The following OTOGL variants were observed in gnomAD, a reference collection of about 807,000 sequenced individuals.
OTOGL encodes the protein otogelin like.
OTOGL carries 285 observed loss-of-function variants against 318.5 expected under a neutral mutation model. The observed-to-expected ratio is 0.89, with a 90% confidence interval of 0.81 to 0.99. The LOEUF is 0.99. OTOGL is among the 50% of genes least tolerant of loss of function. OTOGL has a pLI of 0.00. For missense variants in OTOGL, 2,899 were observed against 2,845.6 expected (o/e 1.02, Z -0.43); for synonymous variants, 987 against 936.5 (o/e 1.05, Z -0.99).
intron 20 of OTOGL, chr12:80,265,498 G>T (rs751734864): frequency 2.5e-6 from 1 of 402,242 alleles, no homozygotes. Context: ...AATTCTTATC[G>T]TGGAAATATC....
intron 11 of OTOGL, among the ~76,000 whole-genome samples, chr12:80,241,207 A>G (rs926989530): frequency 2.0e-5 from 3 of 152,058 alleles, no homozygotes; most frequent in African/African-American, 7.2e-5. Flanking sequence ...CAAAAATAAC[A>G]AATGTAATAT....
rs1283640048 is a variant in OTOGL, at chr12:80,339,054, G to T, written c.4861-21G>T. 2.0e-6 allele frequency: 3 copies of T among 1,537,288 alleles called. No individual in the cohort carries two copies. In the African/African-American group the frequency reaches 4.1e-5, roughly 21 times the overall value. ...ATATTTAAGTAAATATTTCTTAACA[G>T]GTGTATTTATGTTATTCTAGGTAGA... On this transcript the variant is annotated intron_variant, in intron 42 of 58. Coordinates refer to ENST00000547103, the MANE Select transcript of OTOGL (RefSeq NM_001378609.3).
chr12:80,324,127 A>G (rs146609335), intron 35 of OTOGL, among the ~76,000 whole-genome samples: 45 of 152,358 alleles, frequency 3.0e-4, no homozygotes, highest in African/African-American at 1.1e-3. Flanking sequence ...ACAAAAATGT[A>G]AATATATAAT....
intron 1 of OTOGL, among the ~76,000 whole-genome samples, chr12:80,177,908 C>T (rs1026409213): frequency 6.6e-6 from 1 of 152,032 alleles, no homozygotes; most frequent in Non-Finnish European, 1.5e-5. Flanking sequence ...CTGAATATTC[C>T]AGCTGATGCC....
chr12:80,317,473 GA>G lies in OTOGL; in HGVS notation c.3635-1072del, dbSNP rs747715775. Among the ~76,000 whole-genome samples the G allele has an allele frequency of 5.2e-4, 79 of 152,090 alleles. 1 individual carries two copies. The highest frequency in any genetic ancestry group is 5.9e-4 in the Admixed American group (9 of 15,270). ...TAAGGGGTGTGTGCAGCAGGGGAGA[GA>G]TTTTGTTTCTCTGTCTCCTTTCTCA... On this transcript the variant is annotated intron_variant, in intron 32 of 58. Transcript: ENST00000547103.
At chr12:80,215,542 C>A (rs770753964) in intron 4 of OTOGL, among the ~76,000 whole-genome samples, 1 of 152,078 alleles carries the variant, frequency 6.6e-6, no homozygotes, top group Non-Finnish European at 1.5e-5. Context: ...TGAATCCTCA[C>A]GATTCTGTGA....
intron 4 of OTOGL, among the ~76,000 whole-genome samples, chr12:80,216,168 A>G (rs1254418437): frequency 6.6e-6 from 1 of 152,132 alleles, no homozygotes; most frequent in Non-Finnish European, 1.5e-5. Flanking sequence ...ATGATATAGC[A>G]CGGGTAGATT....
chr12:80,336,621 C>G (rs1888425619), intron 40 of OTOGL, 66 bp downstream of exon 40: 8 of 1,509,258 alleles, frequency 5.3e-6, no homozygotes, highest in Non-Finnish European at 7.2e-6. Context: ...ATTGCAACAT[C>G]AGGGATTCTC....
intron 1 of OTOGL, among the ~76,000 whole-genome samples, chr12:80,198,072 G>A (rs1214487813): frequency 6.6e-6 from 1 of 152,128 alleles, no homozygotes; most frequent in African/African-American, 2.4e-5. Flanking sequence ...CCCCAAGGAA[G>A]ATTTGTGGGA....
chr12:80,225,271 C>T (rs1878728394), intron 7 of OTOGL, among the ~76,000 whole-genome samples: 1 of 151,722 alleles, frequency 6.6e-6, no homozygotes, highest in South Asian at 2.1e-4. Flanking sequence ...CACTTGAATA[C>T]CCTTTGACCT....
At chr12:80,356,579 T>C in intron 48 of OTOGL, 59 bp downstream of exon 48, 9 of 1,289,992 alleles carry the variant, frequency 7.0e-6, no homozygotes, top group Non-Finnish European at 9.7e-6. Flanking sequence ...GAACAGTGAA[T>C]TAGATTCTCA....
At chr12:80,278,134 C>T (rs1485075562) in intron 24 of OTOGL, 34 bp from the exon 25 acceptor site, 4 of 1,452,244 alleles carry the variant, frequency 2.8e-6, no homozygotes, top group Non-Finnish European at 2.8e-6. Flanking sequence ...AACTGTAGTT[C>T]ATACTAAATA....
intron 24 of OTOGL, among the ~76,000 whole-genome samples, chr12:80,275,479 T>C (rs139485959): frequency 0.013 from 1,999 of 152,080 alleles, 38 homozygotes; most frequent in African/African-American, 0.046. Flanking sequence ...TTTCTTGAGA[T>C]GTGATCTATA....
At chr12:80,128,315 T>G (rs1416701577) in intron 1 of OTOGL, among the ~76,000 whole-genome samples, 2 of 152,202 alleles carry the variant, frequency 1.3e-5, no homozygotes, top group Non-Finnish European at 2.9e-5. Context: ...CTCCAGACCC[T>G]GTTTGCCTGG....
chr12:80,137,432 T>C (rs1331953272), intron 1 of OTOGL, among the ~76,000 whole-genome samples: 1 of 152,134 alleles, frequency 6.6e-6, no homozygotes, highest in Non-Finnish European at 1.5e-5. Flanking sequence ...GACAGTACTT[T>C]GATGAACTTG....
At chr12:80,268,145 T>TA (rs1307542528) in intron 22 of OTOGL, among the ~76,000 whole-genome samples, 1 of 152,136 alleles carries the variant, frequency 6.6e-6, no homozygotes, top group African/African-American at 2.4e-5. Flanking sequence ...AGTCCATACT[T>TA]ACATATAATT....
At chr12:80,248,233 T>C (rs1324052791) in intron 11 of OTOGL, among the ~76,000 whole-genome samples, 1 of 148,162 alleles carries the variant, frequency 6.7e-6, no homozygotes, top group Non-Finnish European at 1.5e-5. Flanking sequence ...ATTTTGCTCG[T>C]TAGTTGATGC....
At chr12:80,194,369 C>T (rs1029372234) in intron 1 of OTOGL, among the ~76,000 whole-genome samples, 1 of 152,194 alleles carries the variant, frequency 6.6e-6, no homozygotes, top group South Asian at 2.1e-4. Flanking sequence ...TCTTCCGATA[C>T]TTGCAACCAA....
Position 80,339,178 on chromosome 12 carries a change from T to A in OTOGL, c.4964T>A (p.Ile1655Asn). The change falls in exon 43 of 59, where the codon ATC becomes AAC. Residue 1655 changes from isoleucine to asparagine, a missense_variant. Ile to Asn is a moderately radical substitution (Grantham distance 149). This residue lies in a region of OTOGL where 2,607 missense variants were observed against 2,524.9 expected (regional missense o/e 1.03). Transcript: ENST00000547103. Reference sequence around the variant, plus strand: ...GTAATTACTACTCCAGCTGGACTAATCATAAAGTGGTCTCATCTTACAGGA... The same window carrying A: ...GTAATTACTACTCCAGCTGGACTAAACATAAAGTGGTCTCATCTTACAGGA... The part of the protein sequence containing the change: ...MYVITTPAGL[I>N]IKWSHLTGII... The A allele has an allele frequency of 6.2e-7, 1 of 1,611,566 alleles. No individual in the cohort carries two copies. The highest frequency in any genetic ancestry group is 8.5e-7 in the Non-Finnish European group (1 of 1,177,928).
Sources: allele counts gnomAD v4.1 joint callset (sites outside exome capture counted in the v4.1 genomes callset), GRCh38; gene constraint gnomAD v4.1.1; regional missense constraint gnomAD v4.1.1; transcripts MANE v1.5; gene names NCBI Gene and HGNC (gene_info 2026-07-23, HGNC 2026-07-21).